Variants in NCKAP5 observed in about 807,000 individuals in gnomAD.
The protein encoded by NCKAP5 is nck-associated protein 5.
NCKAP5 carries 92 observed loss-of-function variants against 167.0 expected under a neutral mutation model. That is an observed-to-expected ratio of 0.55 (90% CI 0.47 to 0.66). The LOEUF is 0.66. NCKAP5 is among the 30% of genes least tolerant of loss of function. The pLI is 0.00. For missense variants in NCKAP5, 2,378 were observed against 2,315.0 expected (o/e 1.03, Z -0.56); for synonymous variants, 891 against 877.4 (o/e 1.02, Z -0.27).
chr2:133,119,809 G>T (rs184536909), intron 6 of NCKAP5, among the ~76,000 whole-genome samples: 1 of 151,814 alleles, frequency 6.6e-6, no homozygotes, highest in Non-Finnish European at 1.5e-5. Flanking sequence ...GTGATCATAA[G>T]CAAGTTACCT....
intron 2 of NCKAP5, among the ~76,000 whole-genome samples, chr2:133,532,675 T>C (rs978972379): frequency 1.3e-5 from 2 of 152,130 alleles, no homozygotes; most frequent in African/African-American, 2.4e-5. Flanking sequence ...TCTTTCTGAG[T>C]TCTTCCTTTA....
intron 5 of NCKAP5, among the ~76,000 whole-genome samples, chr2:133,164,061 C>T (rs1003881778): frequency 9.9e-5 from 15 of 152,116 alleles, no homozygotes; most frequent in South Asian, 4.1e-4. Context: ...GGAAGTGAGA[C>T]GCAGCAAACA....
At chr2:133,344,423 A>AG (rs1258413191) in intron 3 of NCKAP5, among the ~76,000 whole-genome samples, 9 of 149,038 alleles carry the variant, frequency 6.0e-5, no homozygotes, top group African/African-American at 2.0e-4. Context: ...AAAAAAAAAA[A>AG]GGGTAATAAA....
intron 19 of NCKAP5, among the ~76,000 whole-genome samples, chr2:132,712,522 G>C (rs1573959650): frequency 6.6e-6 from 1 of 152,080 alleles, no homozygotes; most frequent in East Asian, 1.9e-4. Context: ...TGTAGAGGCG[G>C]GCACCTGTAG....
At chr2:133,258,238 A>G (rs911817974) in intron 4 of NCKAP5, among the ~76,000 whole-genome samples, 4 of 152,168 alleles carry the variant, frequency 2.6e-5, no homozygotes, top group Non-Finnish European at 5.9e-5. Flanking sequence ...TGACTACTGC[A>G]TAGAAGTAGT....
At position 132,894,075 on chromosome 2, in the gene NCKAP5, C is replaced by T. The variant is rs985594687; in HGVS notation, c.580-15159G>A. ...AGGCGGATGGAGCCAGTTGCTGAGG[C>T]AAAGGGACGGGACCAAATGTATATT... On this transcript the variant is annotated intron_variant, in intron 8 of 19. Coordinates refer to ENST00000409261, the MANE Select transcript of NCKAP5 (RefSeq NM_207363.3). Among the ~76,000 whole-genome samples the T allele has an allele frequency of 8.5e-5, 13 of 152,180 alleles. No homozygotes were observed. In the East Asian group the frequency reaches 2.3e-3, roughly 27 times the overall value.
chr2:132,920,771 G>GTATGTATGTATGTGTGTATA (rs1553479343), intron 8 of NCKAP5, among the ~76,000 whole-genome samples: 35 of 31,578 alleles, frequency 1.1e-3, no homozygotes, highest in African/African-American at 3.6e-3. Context: ...ATATATGTAT[G>GTATGTATGTATGTGTGTATA]TATATATATA....
At chr2:133,126,406 A>G (rs76741756) in intron 6 of NCKAP5, among the ~76,000 whole-genome samples, 108 of 152,350 alleles carry the variant, frequency 7.1e-4, no homozygotes, top group African/African-American at 2.4e-3. Flanking sequence ...ATTCCCATGA[A>G]TCTGAAGTAG....
intron 2 of NCKAP5, among the ~76,000 whole-genome samples, chr2:133,547,840 C>T (rs373676338): frequency 1.2e-4 from 18 of 147,694 alleles, no homozygotes; most frequent in South Asian, 4.5e-4. Context: ...TCCAAAGGAA[C>T]GCAGTTCCTC....
chr2:132,950,778 A>G (rs887681563), intron 8 of NCKAP5, among the ~76,000 whole-genome samples: 2 of 152,140 alleles, frequency 1.3e-5, no homozygotes, highest in Admixed American at 1.3e-4. Flanking sequence ...CCCCCAAGCT[A>G]CTACACTGTA....
intron 19 of NCKAP5, among the ~76,000 whole-genome samples, chr2:132,682,100 C>T (rs190492097): frequency 6.6e-6 from 1 of 152,248 alleles, no homozygotes. Context: ...ATTTATTGAT[C>T]CTTATTCTAA....
chr2:133,540,705 G>T (rs1345262989), intron 2 of NCKAP5, among the ~76,000 whole-genome samples: 2 of 152,154 alleles, frequency 1.3e-5, no homozygotes, highest in African/African-American at 4.8e-5. Flanking sequence ...GGAGGCTGAG[G>T]CAGGTGGATC....
chr2:133,490,043 C>T (rs1268321750), intron 3 of NCKAP5, among the ~76,000 whole-genome samples: 1 of 152,174 alleles, frequency 6.6e-6, no homozygotes, highest in Non-Finnish European at 1.5e-5. Flanking sequence ...ACAGGGGCCA[C>T]AGGATCTCCA....
rs1693847568 is a variant in NCKAP5 at position 132,904,290 on chromosome 2, A to G, written c.580-25374T>C. 2.0e-5 allele frequency among the ~76,000 whole-genome samples: 3 copies of G among 151,476 alleles called. No individual in the cohort carries two copies. In the East Asian group the frequency reaches 5.8e-4, roughly 29 times the overall value. On this transcript the variant is annotated intron_variant, in intron 8 of 19. Transcript: ENST00000409261. Reference sequence around the variant, plus strand: ...GCAACAGAGTGAGACTGTCTCAAAAATAAATAAATAAAAATTAAATAAATA... The same window carrying G: ...GCAACAGAGTGAGACTGTCTCAAAAGTAAATAAATAAAAATTAAATAAATA...
At chr2:132,684,519 C>G (rs984903626) in intron 19 of NCKAP5, among the ~76,000 whole-genome samples, 3 of 152,178 alleles carry the variant, frequency 2.0e-5, no homozygotes, top group Non-Finnish European at 2.9e-5. Flanking sequence ...ATCAGTCAAA[C>G]TGCCTCATTC....
At chr2:132,988,219 C>CT in intron 7 of NCKAP5, among the ~76,000 whole-genome samples, 1 of 152,102 alleles carries the variant, frequency 6.6e-6, no homozygotes, top group Non-Finnish European at 1.5e-5. Flanking sequence ...AATCCCAGCA[C>CT]TTTGGGAGGC....
the NCKAP5 span, among the ~76,000 whole-genome samples, chr2:133,633,712 A>T: frequency 6.6e-6 from 1 of 152,222 alleles, no homozygotes; most frequent in Non-Finnish European, 1.5e-5. Context: ...TGAAGCTCAG[A>T]AATTTTATGT....
intron 16 of NCKAP5, among the ~76,000 whole-genome samples, chr2:132,734,631 C>G (rs1691333870): frequency 6.6e-6 from 1 of 152,196 alleles, no homozygotes; most frequent in Non-Finnish European, 1.5e-5. Context: ...CTTATTACAG[C>G]TATTAGGAGT....
At position 133,004,294 on chromosome 2, in the gene NCKAP5, G is replaced by C. The variant is rs998589500; in HGVS notation, c.342-10055C>G. Among the ~76,000 whole-genome samples, 5 of 152,134 alleles carry C rather than the reference G, an allele frequency of 3.3e-5. No homozygotes were observed. In the East Asian group the frequency reaches 9.6e-4, roughly 29 times the overall value. ...GGGTTATTTCCCTAAATACAGCCAG[G>C]TTTTAAATTAATGTAATAATTATAA... On this transcript the variant is annotated intron_variant, in intron 6 of 19. Transcript: ENST00000409261.
Sources: allele counts gnomAD v4.1 joint callset (sites outside exome capture counted in the v4.1 genomes callset), GRCh38; gene constraint gnomAD v4.1.1; transcripts MANE v1.5; gene names NCBI Gene and HGNC (gene_info 2026-07-23, HGNC 2026-07-21).